Variants in CPAMD8 observed in about 807,000 individuals in gnomAD.
CPAMD8 encodes the protein C3 and PZP-like alpha-2-macroglobulin domain-containing protein 8.
In CPAMD8, 146 loss-of-function variants were observed where a neutral mutation model predicts 224.7. The ratio of observed to expected loss-of-function variants is 0.65; its 90% confidence interval spans 0.57 to 0.75. The LOEUF (loss-of-function observed/expected upper bound fraction) is 0.75. Ranked by LOEUF, CPAMD8 falls within the 30% of genes least tolerant of loss-of-function variation. CPAMD8 has a pLI of 0.00. For missense variants in CPAMD8, 2,301 were observed against 2,537.5 expected (o/e 0.91, Z 2.00); for synonymous variants, 966 against 1,044.6 (o/e 0.92, Z 1.45).
chr19:16,995,111 C>T (rs998057743), intron 11 of CPAMD8, among the ~76,000 whole-genome samples: 1 of 152,232 alleles, frequency 6.6e-6, no homozygotes, highest in African/African-American at 2.4e-5. Context: ...AGCTGGGGCC[C>T]TCAAAGCCAG....
Position 16,899,429 on chromosome 19 carries a change from C to T in CPAMD8, c.4848+46G>A. On this transcript the variant is annotated intron_variant, in intron 37 of 41. Coordinates refer to ENST00000443236, the MANE Select transcript of CPAMD8 (RefSeq NM_015692.5). This position sits in a 1 kb window ranked among gnomAD's most constrained non-coding sequence, Gnocchi z 5.4. Reference sequence around the variant, plus strand: ...GCAGTGACCGGTGCACCCTCACCAACATGCACACCAGGGAAGCCTCCTCCA... The same window carrying T: ...GCAGTGACCGGTGCACCCTCACCAATATGCACACCAGGGAAGCCTCCTCCA... The T allele has an allele frequency of 1.2e-6, 1 of 863,488 alleles. No individual in the cohort carries two copies. Among genetic ancestry groups the T allele is most frequent in the Non-Finnish European group, 2.0e-6 (1 of 495,450 alleles). 53.5% of individuals were successfully genotyped at this position (863,488 alleles called of 1,614,324 possible).
intron 22 of CPAMD8, among the ~76,000 whole-genome samples, chr19:16,939,268 A>C (rs1243061157): frequency 6.6e-6 from 1 of 151,850 alleles, no homozygotes; most frequent in Non-Finnish European, 1.5e-5. Context: ...CAGTGGTGTG[A>C]GTGATCTCAG....
At chr19:16,975,413 T>A (rs2055227685) in intron 16 of CPAMD8, among the ~76,000 whole-genome samples, 155 bp from the exon 17 acceptor site, 1 of 152,250 alleles carries the variant, frequency 6.6e-6, no homozygotes, top group African/African-American at 2.4e-5. Flanking sequence ...CATTTTAAGA[T>A]GGGCAAACAG....
intron 27 of CPAMD8, among the ~76,000 whole-genome samples, chr19:16,921,119 C>T (rs970671427): frequency 1.3e-5 from 2 of 152,022 alleles, no homozygotes; most frequent in Admixed American, 6.6e-5. Context: ...CTGGGTGAGT[C>T]GCCAACCCTG....
At chr19:16,904,175 G>GAGGGGGGCCACC in intron 32 of CPAMD8, 51 bp downstream of exon 32, 1 of 1,060,418 alleles carries the variant, frequency 9.4e-7, no homozygotes, top group Non-Finnish European at 1.4e-6. Context: ...GGACTGCAGG[G>GAGGGGGGCCACC]ACCCCACCCA....
chr19:16,952,090 G>C lies in CPAMD8; in HGVS notation c.2387C>G (p.Pro796Arg). ...STSQGLGIAE[P>R]SLLKTFKPFF... ...GGGCTTGAAGGTCTTCAGCAGGGAGGGCTCGGCGATGCCTAAGCCCTGAGA... is the reference window on the plus strand; with the variant it reads ...GGGCTTGAAGGTCTTCAGCAGGGAGCGCTCGGCGATGCCTAAGCCCTGAGA... The change falls in exon 20 of 42, where the codon CCC (proline) becomes CGC (arginine). Residue 796 changes from proline to arginine, a missense_variant. Coordinates refer to ENST00000443236, the MANE Select transcript of CPAMD8 (RefSeq NM_015692.5). 6.4e-7 allele frequency: 1 copy of C among 1,560,224 alleles called. No individual in the cohort carries two copies. Among genetic ancestry groups the C allele is most frequent in the Non-Finnish European group, 8.7e-7 (1 of 1,150,988 alleles).
chr19:16,914,359 G>A (rs952242882), intron 29 of CPAMD8, 65 bp downstream of exon 29: 1 of 1,365,098 alleles, frequency 7.3e-7, no homozygotes, highest in South Asian at 1.2e-5. Flanking sequence ...GCATAAAGGA[G>A]GGAACCTTCC....
At chr19:17,007,501 GAGA>G (rs1258488485) in intron 7 of CPAMD8, among the ~76,000 whole-genome samples, 2 of 151,746 alleles carry the variant, frequency 1.3e-5, no homozygotes, top group Non-Finnish European at 2.9e-5. Flanking sequence ...CGAAGAGAAG[GAGA>G]AGAAGAAAGA....
rs1336003631 is a variant in CPAMD8, at chr19:17,022,063, C to T, written c.211G>A (p.Glu71Lys). 5 of 1,605,756 alleles carry T rather than the reference C, an allele frequency of 3.1e-6. No individual in the cohort carries two copies. Among genetic ancestry groups the T allele is most frequent in the Non-Finnish European group, 4.2e-6 (5 of 1,176,502 alleles). Residue 71 changes from glutamate (E) to lysine (K), a missense_variant, in exon 2 of 42, where the codon GAG (glutamate) becomes AAG (lysine). By Grantham distance (56) the Glu-to-Lys change is moderately conservative. Transcript: ENST00000443236. ...TVQAQLVAQG[E>K]PVVQSQGAIL... ...GCTCCCTGGCTCTGCACCACCGGCT[C>T]ACCCTGGGCCACCAGCTGAGCCTGG...
intron 20 of CPAMD8, among the ~76,000 whole-genome samples, chr19:16,948,905 A>G (rs1214992257): frequency 1.3e-5 from 1 of 79,332 alleles, no homozygotes; most frequent in African/African-American, 5.3e-5. Context: ...AGGGAAGGGA[A>G]GGGAAGGGAA....
At chr19:16,959,504 T>C (rs1470233942) in intron 18 of CPAMD8, among the ~76,000 whole-genome samples, 2 of 151,752 alleles carry the variant, frequency 1.3e-5, no homozygotes, top group African/African-American at 2.4e-5. Flanking sequence ...TCAGTGACAT[T>C]GAGGTTTTTT....
chr19:17,020,243 G>T, intron 3 of CPAMD8, 88 bp downstream of exon 3: 2 of 1,007,946 alleles, frequency 2.0e-6, no homozygotes, highest in Non-Finnish European at 1.6e-6. Flanking sequence ...CAAAGTGCTG[G>T]GATTACATGT....
chr19:16,901,105 C>T, intron 36 of CPAMD8, 105 bp downstream of exon 36: 2 of 651,720 alleles, frequency 3.1e-6, no homozygotes. Context: ...ATACCCATAG[C>T]ATTTTACAAA....
At chr19:17,024,394 A>T (rs77048852) in intron 1 of CPAMD8, among the ~76,000 whole-genome samples, 11 of 152,256 alleles carry the variant, frequency 7.2e-5, no homozygotes, top group Non-Finnish European at 1.5e-5. Context: ...AGCACTGACC[A>T]GGACATGCAA....
At chr19:17,022,904 G>A (rs11880510) in intron 1 of CPAMD8, among the ~76,000 whole-genome samples, 6 of 151,740 alleles carry the variant, frequency 4.0e-5, no homozygotes, top group Admixed American at 2.6e-4. Context: ...GGTGCACCCC[G>A]TCCCCCACCA....
At chr19:16,974,942 T>C in intron 17 of CPAMD8, 155 bp downstream of exon 17, 1 of 1,032,296 alleles carries the variant, frequency 9.7e-7, no homozygotes, top group Non-Finnish European at 1.4e-6. Flanking sequence ...ACCACTGCAC[T>C]CCAGCCTGGG....
chr19:16,980,573 G>A lies in CPAMD8; in HGVS notation c.1509C>T (p.His503=). The A allele has an allele frequency of 1.2e-6, 2 of 1,613,926 alleles. No homozygotes were observed. Among genetic ancestry groups the A allele is most frequent in the Middle Eastern group, 1.7e-4 (1 of 6,060 alleles). ...NIVLSGQQPA[H]TTQQRSKRAA... is the part of the protein sequence containing the mutation. ...CCCGCTTGCTTCGCTGCTGGGTGGTGTGGGCAGGCTGCTGGCCCGATAGCA... is the reference window on the plus strand; with the variant it reads ...CCCGCTTGCTTCGCTGCTGGGTGGTATGGGCAGGCTGCTGGCCCGATAGCA... The change falls in exon 14 of 42, where the codon CAC becomes CAT. Residue 503 remains histidine (H), a synonymous_variant. Coordinates refer to ENST00000443236, the MANE Select transcript of CPAMD8 (RefSeq NM_015692.5).
Position 16,929,233 on chromosome 19 carries a change from G to C in CPAMD8, c.2853C>G (p.Val951=). 1 of 1,603,026 alleles carries C rather than the reference G, an allele frequency of 6.2e-7. No individual in the cohort carries two copies. The highest frequency in any genetic ancestry group is 1.1e-5 in the South Asian group (1 of 90,580). The change falls in exon 24 of 42, where the codon GTC becomes GTG. Residue 951 remains valine, a synonymous_variant. Transcript: ENST00000443236. The part of the protein sequence containing the change: ...YSAFFCPSER[V]HISTPNKYEF... ...CATACTTGTTGGGGGTGGAGATGTG[G>C]ACTCTCTCTGGATGGAGGAAAGGAG... is the stretch of plus-strand genomic sequence containing the variant.
rs1055061608 is a variant in CPAMD8 at position 16,899,848 on chromosome 19, C to T, written c.4774-299G>A. ...AAAGAGGTGCCCGGCTGAGCCCTGC[C>T]GCCTGCTGGTGTCTCAGCTGCACTG... is the stretch of plus-strand genomic sequence containing the variant. On this transcript the variant is annotated intron_variant, in intron 36 of 41. Transcript: ENST00000443236. This position sits in a 1 kb window ranked among gnomAD's most constrained non-coding sequence, Gnocchi z 5.4. Among the ~76,000 whole-genome samples, 1 of 152,052 alleles carries T rather than the reference C, an allele frequency of 6.6e-6. No homozygotes were observed. The highest frequency in any genetic ancestry group is 1.5e-5 in the Non-Finnish European group (1 of 68,008).
Sources: gnomAD v4.1 joint callset for allele counts (sites outside exome capture counted in the v4.1 genomes callset) on GRCh38, gnomAD v4.1.1 for gene constraint, Gnocchi (gnomAD v3.1) non-coding constraint, MANE v1.5 for transcripts, NCBI Gene and HGNC (gene_info 2026-07-23, HGNC 2026-07-21) for gene names.